The following TGFBR2 variants were observed in gnomAD, a reference collection of about 807,000 sequenced individuals.
TGFBR2 encodes the protein transforming growth factor beta receptor 2.
A neutral mutation model predicts 49.0 loss-of-function variants in TGFBR2; 18 were observed. The ratio of observed to expected loss-of-function variants is 0.37; its 90% CI spans 0.25 to 0.54. The LOEUF (loss-of-function observed/expected upper bound fraction) is 0.54, where lower values mean the gene tolerates loss of function less well. TGFBR2 is among the 20% of genes least tolerant of loss of function. The probability of loss-of-function intolerance (pLI) is 0.85; values close to 1 mark genes in which losing one functional copy is unlikely to be tolerated. For synonymous variants in TGFBR2, 282 were observed against 275.9 expected (o/e 1.02, Z -0.22); for missense variants, 525 against 722.6 (o/e 0.73, Z 3.13).
At chr3:30,666,270 T>G (rs1106680) in intron 3 of TGFBR2, among the ~76,000 whole-genome samples, 5,998 of 152,284 alleles carry the variant, frequency 0.039, 142 homozygotes, top group Middle Eastern at 0.088. Flanking sequence ...GTTATTACTA[T>G]TCATGGAAGG....
chr3:30,673,127 A>G (rs1699372908), intron 4 of TGFBR2, among the ~76,000 whole-genome samples: 1 of 152,212 alleles, frequency 6.6e-6, no homozygotes, highest in African/African-American at 2.4e-5. Context: ...GGCAGGACAC[A>G]CTTTGAAGCA....
At chr3:30,627,975 G>A (rs1337453522) in intron 1 of TGFBR2, among the ~76,000 whole-genome samples, 2 of 151,946 alleles carry the variant, frequency 1.3e-5, no homozygotes, top group Non-Finnish European at 2.9e-5. Context: ...TAAATTACTT[G>A]TACTTTTCCA....
chr3:30,658,674 A>G (rs1476697847), intron 3 of TGFBR2, among the ~76,000 whole-genome samples: 1 of 151,364 alleles, frequency 6.6e-6, no homozygotes, highest in Non-Finnish European at 1.5e-5. Context: ...TTGTAGCCAC[A>G]AAGTTTCATT....
At position 30,606,852 on chromosome 3, in the gene TGFBR2, G is replaced by A. The variant is rs759385209; in HGVS notation, c.-32G>A. 3 of 1,382,802 alleles carry A rather than the reference G, an allele frequency of 2.2e-6. No homozygotes were observed. The African/African-American group carries it at 4.4e-5, about 20-fold the overall frequency. The allele number at this position is 1,382,802 out of a possible 1,614,324, so 85.7% of individuals were successfully genotyped here. On this transcript the variant is annotated 5_prime_UTR_variant, in exon 1 of 7. Transcript: ENST00000295754. ...GGAAGGCGCCGTCCGCTGCGCTGGG[G>A]GCTCGGTCTATGACGAGCAGCGGGG...
intron 5 of TGFBR2, among the ~76,000 whole-genome samples, chr3:30,682,159 G>T (rs1351845438): frequency 6.6e-6 from 1 of 152,204 alleles, no homozygotes; most frequent in Non-Finnish European, 1.5e-5. Flanking sequence ...AGTGCAATGG[G>T]GTTGGGAGGT....
At chr3:30,645,025 C>T in intron 2 of TGFBR2, 110 bp downstream of exon 2, 1 of 1,007,846 alleles carries the variant, frequency 9.9e-7, no homozygotes, top group Admixed American at 2.0e-5. Context: ...AACACCTGTT[C>T]CATTTCCCTT....
At chr3:30,610,777 ATTAC>A (rs1248783894) in intron 1 of TGFBR2, among the ~76,000 whole-genome samples, 2 of 152,172 alleles carry the variant, frequency 1.3e-5, no homozygotes, top group East Asian at 3.8e-4. Context: ...AGCTTCTGTT[ATTAC>A]TATTAACTCC....
chr3:30,678,546 T>TCAAAAAAAAAAAAAAAAA, intron 5 of TGFBR2, among the ~76,000 whole-genome samples: 1 of 100,870 alleles, frequency 9.9e-6, no homozygotes, highest in Non-Finnish European at 1.9e-5. Context: ...AGACTGCGTC[T>TCAAAAAAAAAAAAAAAAA]AAAAAAAAAA....
chr3:30,670,067 A>C (rs1338106596), intron 3 of TGFBR2, among the ~76,000 whole-genome samples: 1 of 152,114 alleles, frequency 6.6e-6, no homozygotes, highest in Non-Finnish European at 1.5e-5. Flanking sequence ...GTTTGGTTCC[A>C]TACCACCTAC....
Position 30,617,631 on chromosome 3 carries a change from A to T in TGFBR2, c.94+10654A>T, listed in dbSNP as rs1392147797. On this transcript the variant is annotated intron_variant, in intron 1 of 6. Coordinates refer to ENST00000295754, the MANE Select transcript of TGFBR2 (RefSeq NM_003242.6). ...TCTTTAGGAGCCTCATTCCTTCCTG[A>T]ATATTACATTTTATGAGTTATTATA... 3.9e-5 allele frequency among the ~76,000 whole-genome samples: 6 copies of T among 152,086 alleles called. No homozygotes were observed. In the East Asian group the frequency reaches 1.2e-3, roughly 29 times the overall value.
rs1472336039 is a variant in TGFBR2, at chr3:30,671,938, A to G, written c.755A>G (p.Lys252Arg). 6.2e-7 allele frequency: 1 copy of G among 1,614,196 alleles called. No homozygotes were observed. Residue 252 changes from lysine to arginine, a missense_variant, in exon 4 of 7, where the codon AAA becomes AGA. This residue lies in a region of TGFBR2 where 376 missense variants were observed against 478.2 expected (regional missense o/e 0.79). Coordinates refer to ENST00000295754, the MANE Select transcript of TGFBR2 (RefSeq NM_003242.6). ...LPIELDTLVG[K>R]GRFAEVYKAK... ...ATTGAGCTGGACACCCTGGTGGGGA[A>G]AGGTCGCTTTGCTGAGGTCTATAAG...
chr3:30,609,625 A>G (rs918248267), intron 1 of TGFBR2, among the ~76,000 whole-genome samples: 3 of 152,206 alleles, frequency 2.0e-5, no homozygotes, highest in East Asian at 3.8e-4. Flanking sequence ...AAAGTGCACA[A>G]TAACTCTTCA....
chr3:30,627,732 A>G (rs984504634), intron 1 of TGFBR2, among the ~76,000 whole-genome samples: 13 of 151,932 alleles, frequency 8.6e-5, no homozygotes, highest in African/African-American at 3.1e-4. Context: ...GTCTGAGACC[A>G]TCTTAGATGA....
intron 5 of TGFBR2, among the ~76,000 whole-genome samples, chr3:30,679,780 C>G (rs1699507348): frequency 1.3e-5 from 2 of 152,180 alleles, no homozygotes; most frequent in African/African-American, 4.8e-5. Context: ...GCTCACAGGC[C>G]TTAGTATTCC....
At chr3:30,653,112 G>T (rs1031408008) in intron 3 of TGFBR2, among the ~76,000 whole-genome samples, 3 of 152,130 alleles carry the variant, frequency 2.0e-5, no homozygotes, top group African/African-American at 7.2e-5. Context: ...AAGGTAGGGG[G>T]TGTTTGCTTT....
intron 2 of TGFBR2, among the ~76,000 whole-genome samples, chr3:30,648,184 G>T (rs1698803944): frequency 6.6e-6 from 1 of 152,208 alleles, no homozygotes; most frequent in African/African-American, 2.4e-5. Flanking sequence ...AGCAGTTAAG[G>T]GCTTTACCAG....
At chr3:30,644,990 A>G (rs1575143824) in intron 2 of TGFBR2, 75 bp downstream of exon 2, 1 of 1,343,710 alleles carries the variant, frequency 7.4e-7, no homozygotes, top group Non-Finnish European at 1.1e-6. Context: ...ACACACAGTC[A>G]GTGTATCTCT....
intron 1 of TGFBR2, among the ~76,000 whole-genome samples, chr3:30,620,640 T>G (rs1443876023): frequency 1.3e-5 from 2 of 152,150 alleles, no homozygotes; most frequent in East Asian, 3.9e-4. Flanking sequence ...TATTCTCTCA[T>G]GTGTGAATCT....
chr3:30,650,463 G>A lies in TGFBR2; in HGVS notation c.454+3G>A, dbSNP rs2125410813. 8.7e-6 allele frequency: 14 copies of A among 1,613,914 alleles called. No homozygotes were observed. Among genetic ancestry groups the A allele is most frequent in the Non-Finnish European group, 1.0e-5 (12 of 1,179,902 alleles). On this transcript the variant is annotated splice_donor_region_variant and intron_variant, in intron 3 of 6. Transcript: ENST00000295754. ...TGACAACATCATCTTCTCAGAAGGT[G>A]AGTTTTCTTCTCTTAAGGGTGTGGG... is the stretch of plus-strand genomic sequence containing the variant.
Sources: allele counts gnomAD v4.1 joint callset (sites outside exome capture counted in the v4.1 genomes callset), GRCh38; gene constraint gnomAD v4.1.1; regional missense constraint gnomAD v4.1.1; transcripts MANE v1.5; gene names NCBI Gene and HGNC (gene_info 2026-07-23, HGNC 2026-07-21).